BOC: variants seen among roughly 807,000 people sequenced by gnomAD.
BOC encodes BOC cell adhesion associated, oncogene regulated, also known as brother of CDO.
In BOC, 76 loss-of-function variants were observed where a neutral mutation model predicts 112.0. The observed-to-expected ratio is 0.68, with a 90% CI of 0.56 to 0.82. The LOEUF (loss-of-function observed/expected upper bound fraction) is 0.82. Among genes scored for constraint, BOC ranks in the 40% least tolerant of loss-of-function variants. The probability of loss-of-function intolerance (pLI) is 0.00; values close to 1 mark genes in which losing one functional copy is unlikely to be tolerated. For synonymous variants in BOC, 580 were observed against 599.8 expected, an observed-to-expected ratio of 0.97 and a Z score of 0.48; for missense variants, 1,309 against 1,511.7, an observed-to-expected ratio of 0.87 and a Z score of 2.22.
chr3:113,229,141 G>A (rs961682463), intron 2 of BOC, among the ~76,000 whole-genome samples: 2 of 152,200 alleles, frequency 1.3e-5, no homozygotes, highest in Non-Finnish European at 2.9e-5. Flanking sequence ...CCCCCAGTAG[G>A]GACCAAACTG....
At chr3:113,251,181 C>G (rs2107412358) in intron 4 of BOC, 1 of 523,600 alleles carries the variant, frequency 1.9e-6, no homozygotes, top group South Asian at 2.6e-5. Context: ...TGTAGGTGCA[C>G]TGTCCCAACT....
At chr3:113,266,098 G>A (rs1469299458) in intron 4 of BOC, among the ~76,000 whole-genome samples, 2 of 152,204 alleles carry the variant, frequency 1.3e-5, no homozygotes, top group Non-Finnish European at 2.9e-5. Context: ...TTACCCACAG[G>A]AAGGAATCTA....
rs1239026344 is a variant in BOC, at chr3:113,281,060, C to T, written c.2341C>T (p.Leu781=). 1 of 1,614,018 alleles carries T rather than the reference C, an allele frequency of 6.2e-7. No homozygotes were observed. Among genetic ancestry groups the T allele is most frequent in the Non-Finnish European group, 8.5e-7 (1 of 1,180,034 alleles). The change falls in exon 15 of 20, where the codon CTG becomes TTG. Residue 781 remains leucine, a synonymous_variant. Coordinates refer to ENST00000682979, the MANE Select transcript of BOC (RefSeq NM_001378074.1). ...CAAGTACTGGCACTCCATCAGCCAC[C>T]TGCAGCCAGAGACCTCCTACGACAT... ...GDKYWHSISH[L]QPETSYDIKM...
intron 2 of BOC, among the ~76,000 whole-genome samples, chr3:113,224,721 G>T (rs1941360867): frequency 6.6e-6 from 1 of 152,074 alleles, no homozygotes; most frequent in Non-Finnish European, 1.5e-5. Context: ...GCACTTTAGA[G>T]GCCAAGGCAG....
intron 4 of BOC, among the ~76,000 whole-genome samples, chr3:113,256,393 C>T (rs1297208636): frequency 1.3e-5 from 2 of 152,172 alleles, no homozygotes; most frequent in African/African-American, 2.4e-5. Flanking sequence ...GGAGCAGCCA[C>T]GGTGTCATGG....
At chr3:113,231,908 G>A (rs1298110380) in intron 2 of BOC, among the ~76,000 whole-genome samples, 1 of 152,136 alleles carries the variant, frequency 6.6e-6, no homozygotes, top group Non-Finnish European at 1.5e-5. Flanking sequence ...GGGGATATGT[G>A]AATGAACAAC....
intron 15 of BOC, 105 bp downstream of exon 15, chr3:113,281,258 ACT>A: frequency 7.2e-7 from 1 of 1,379,972 alleles, no homozygotes; most frequent in Non-Finnish European, 9.8e-7. Context: ...TCCCAGGAAG[ACT>A]CTTTGTTTTC....
At chr3:113,263,356 T>C (rs1485782968) in intron 4 of BOC, among the ~76,000 whole-genome samples, 2 of 152,192 alleles carry the variant, frequency 1.3e-5, no homozygotes, top group Non-Finnish European at 2.9e-5. Context: ...GCATGAGAAG[T>C]ACCTGCAGGG....
In BOC at chr3:113,280,021, C is replaced by T. The variant is rs369176590; in HGVS notation, c.2205+16C>T. On this transcript the variant is annotated intron_variant, in intron 13 of 19. Transcript: ENST00000682979. ...CAAGTGGATGGTAAGCGGGCCTGGC[C>T]GTGGACTGCAGTGGAAGACGGCCTC... The T allele has an allele frequency of 6.5e-5, 104 of 1,591,680 alleles. No individual in the cohort carries two copies. Among genetic ancestry groups the T allele is most frequent in the South Asian group, 5.9e-4 (52 of 88,068 alleles).
chr3:113,235,557 A>G (rs1943312581), intron 2 of BOC, among the ~76,000 whole-genome samples: 1 of 152,200 alleles, frequency 6.6e-6, no homozygotes, highest in Non-Finnish European at 1.5e-5. Context: ...AGAAATTATG[A>G]TGATTATTGT....
chr3:113,262,881 G>A (rs79064107), intron 4 of BOC, among the ~76,000 whole-genome samples: 3,081 of 152,296 alleles, frequency 0.02, 100 homozygotes, highest in African/African-American at 0.069. Context: ...ATAGTGAGGA[G>A]TGTCAGGGAC....
intron 2 of BOC, among the ~76,000 whole-genome samples, chr3:113,231,768 T>C (rs1178024408): frequency 1.3e-5 from 2 of 152,220 alleles, no homozygotes; most frequent in African/African-American, 2.4e-5. Context: ...TAATCTCCTT[T>C]CCACCACTAC....
chr3:113,250,597 A>T lies in BOC; in HGVS notation c.140A>T (p.Gln47Leu). 1.2e-6 allele frequency: 2 copies of T among 1,614,164 alleles called. No homozygotes were observed. Among genetic ancestry groups the T allele is most frequent in the Middle Eastern group, 1.6e-4 (1 of 6,062 alleles). ...ACCGTCCAGCCTGCGTCCACCGTCC[A>T]GAAGCCCGGAGGCACTGTGATCTTG... ...QVTVQPASTVQKPGGTVILGC... is the reference protein window; with the variant it reads ...QVTVQPASTVLKPGGTVILGC... The change falls in exon 4 of 20, where the codon CAG becomes CTG. Residue 47 changes from glutamine (Q) to leucine (L), a missense_variant. By Grantham distance (113) the Gln-to-Leu change is moderately radical (BLOSUM62 -2). Coordinates refer to ENST00000682979, the MANE Select transcript of BOC (RefSeq NM_001378074.1).
At position 113,211,706 on chromosome 3, in the gene BOC, G is replaced by T. The variant is rs1217892457; in HGVS notation, c.-480G>T. The T allele has an allele frequency of 6.6e-6, 1 of 151,742 alleles. No individual in the cohort carries two copies. Among genetic ancestry groups the T allele is most frequent in the Non-Finnish European group, 1.5e-5 (1 of 68,012 alleles). The allele number at this position is 151,742 out of a possible 1,614,324, so 9.4% of individuals were successfully genotyped here. Reference sequence around the variant, plus strand: ...CCCGCCGGTGTCAGCCGCCGCGCGCGCGCACAGACACACACACAGAGACAC... The same window carrying T: ...CCCGCCGGTGTCAGCCGCCGCGCGCTCGCACAGACACACACACAGAGACAC... On this transcript the variant is annotated 5_prime_UTR_variant, in exon 1 of 20. Transcript: ENST00000682979.
chr3:113,231,699 C>A (rs941814911), intron 2 of BOC, among the ~76,000 whole-genome samples: 1 of 152,118 alleles, frequency 6.6e-6, no homozygotes, highest in Non-Finnish European at 1.5e-5. Flanking sequence ...ATAGCATTTT[C>A]CTAAATTATT....
intron 4 of BOC, among the ~76,000 whole-genome samples, chr3:113,263,748 A>G (rs1371306588): frequency 6.6e-6 from 1 of 152,276 alleles, no homozygotes; most frequent in African/African-American, 2.4e-5. Flanking sequence ...TTATTAATAA[A>G]GGAAAGATAG....
chr3:113,241,607 G>T (rs1455349515), intron 2 of BOC, among the ~76,000 whole-genome samples: 1 of 152,196 alleles, frequency 6.6e-6, no homozygotes, highest in South Asian at 2.1e-4. Flanking sequence ...AAAACAGAAA[G>T]AAAGTGGGAA....
chr3:113,285,785 CATG>C (rs1164127273), intron 19 of BOC, among the ~76,000 whole-genome samples: 1 of 152,236 alleles, frequency 6.6e-6, no homozygotes, highest in Admixed American at 6.5e-5. Flanking sequence ...TCTACTGCAA[CATG>C]ATAAGCTGCG....
chr3:113,224,365 C>G (rs1446486011), intron 2 of BOC, among the ~76,000 whole-genome samples: 1 of 152,162 alleles, frequency 6.6e-6, no homozygotes, highest in Non-Finnish European at 1.5e-5. Context: ...CTTGAGTCAG[C>G]CTCGAAGACT....
Sources: allele counts gnomAD v4.1 joint callset (sites outside exome capture counted in the v4.1 genomes callset), GRCh38; gene constraint gnomAD v4.1.1; transcripts MANE v1.5; gene names NCBI Gene and HGNC (gene_info 2026-07-23, HGNC 2026-07-21).